FAM187A: variants seen among roughly 807,000 people sequenced by gnomAD.
FAM187A encodes family with sequence similarity 187 member A.
FAM187A carries 4 observed loss-of-function variants against 6.4 expected under a neutral mutation model. The ratio of observed to expected loss-of-function variants is 0.63; its 90% confidence interval spans 0.31 to 1.44. FAM187A has a LOEUF of 1.44. Ranked by LOEUF, FAM187A falls within the 40% of genes most tolerant of loss-of-function variation. FAM187A has a pLI of 0.07. For missense variants in FAM187A, 463 were observed against 542.2 expected (o/e 0.85, Z 1.45); for synonymous variants, 221 against 213.4 (o/e 1.04, Z -0.31).
chr17:44,904,361 T>C (rs1331514125), exon 4 of FAM187A: 1 of 1,544,252 alleles, frequency 6.5e-7, no homozygotes, highest in South Asian at 1.2e-5. Flanking sequence ...ATGGACCCCC[T>C]GTGACCGCTG....
chr17:44,904,854 T>G (rs1463664251), exon 4 of FAM187A: 3 of 1,550,488 alleles, frequency 1.9e-6, no homozygotes, highest in African/African-American at 2.7e-5. Context: ...GACCGGGGCA[T>G]CTACTATTGC....
exon 4 of FAM187A, chr17:44,904,539 G>A (rs2051620705): frequency 8.4e-6 from 13 of 1,550,532 alleles, no homozygotes; most frequent in Middle Eastern, 1.7e-4. Flanking sequence ...GTGCTGGTTC[G>A]GAGCTGCTTA....
Position 44,905,063 on chromosome 17 carries a change from T to TC in FAM187A, c.1239dup (p.Ter414LeufsTer19), listed in dbSNP as rs769739189. The TC allele has an allele frequency of 1.9e-6, 3 of 1,539,178 alleles. No homozygotes were observed. The highest frequency in any genetic ancestry group is 4.9e-5 in the East Asian group (2 of 40,784). ...CTTATTTCACTGTTGTCCCAGCTTC[T>TC]CCCCCTAGGAGCTCTCTTCAGCTCT... On this transcript the variant is annotated frameshift_variant, in exon 4 of 4. Coordinates refer to ENST00000331733, the Ensembl canonical transcript of FAM187A. LOFTEE classifies it high-confidence loss of function.
rs1268819073 is a variant in FAM187A at position 44,904,054 on chromosome 17, C to T, written c.225C>T (p.His75=). 4 of 1,550,686 alleles carry T rather than the reference C, an allele frequency of 2.6e-6. No homozygotes were observed. The Admixed American group carries it at 7.8e-5, about 30-fold the overall frequency. Residue 75 remains histidine, a synonymous_variant, in exon 4 of 4, where the codon CAC becomes CAT. Transcript: ENST00000331733. Reference sequence around the variant, plus strand: ...ACCAAAAGCACCTAGGTAGCAGCCACACCAAAGTGCTGACGGACTTTGATG... The same window carrying T: ...ACCAAAAGCACCTAGGTAGCAGCCATACCAAAGTGCTGACGGACTTTGATG...
At chr17:44,904,692 C>G (rs1325542133) in exon 4 of FAM187A, 1 of 1,550,602 alleles carries the variant, frequency 6.4e-7, no homozygotes, top group South Asian at 1.2e-5. Context: ...CTCATCATCT[C>G]CTGTCCTGGG....
chr17:44,903,694 G>A (rs1304537019), exon 4 of FAM187A: 2 of 1,438,536 alleles, frequency 1.4e-6, no homozygotes, highest in African/African-American at 2.9e-5. Flanking sequence ...TTCCTCTGCA[G>A]ATTGTTGCTG....
At chr17:44,904,157 T>C (rs1003922916) in exon 4 of FAM187A, 33 of 1,550,240 alleles carry the variant, frequency 2.1e-5, no homozygotes, top group Non-Finnish European at 2.7e-5. Context: ...CATGTTCAGC[T>C]TGTTGGTTTT....
rs1460040567 is a variant in FAM187A, at chr17:44,904,169, A to C, written c.340A>C (p.Arg114=). 3.9e-6 allele frequency: 6 copies of C among 1,550,378 alleles called. No individual in the cohort carries two copies. The East Asian group carries it at 1.2e-4, about 32-fold the overall frequency. Residue 114 remains arginine (R), a synonymous_variant, in exon 4 of 4, where the codon AGG becomes CGG. Coordinates refer to ENST00000331733, the Ensembl canonical transcript of FAM187A. The stretch of plus-strand genomic sequence containing the variant: ...CCGCATGTTCAGCTTGTTGGTTTTC[A>C]GGGCTCAGTCTGAGGACTCAGGCCT...
exon 4 of FAM187A, chr17:44,904,554 C>T: frequency 1.3e-6 from 2 of 1,550,560 alleles, no homozygotes; most frequent in South Asian, 1.2e-5. Context: ...TGCTTAGTAC[C>T]CTGTGAGAAG....
At chr17:44,905,300 CAT>C (rs1367482884) in exon 4 of FAM187A, 1 of 550,154 alleles carries the variant, frequency 1.8e-6, no homozygotes, top group Non-Finnish European at 3.3e-6. Context: ...AAGTAGGGCA[CAT>C]GTGTTTCCTG....
chr17:44,904,879 G>A, exon 4 of FAM187A: 1 of 1,550,656 alleles, frequency 6.4e-7, no homozygotes, highest in Non-Finnish European at 8.7e-7. Context: ...GGCAGGGTGT[G>A]CTAGTTGCTG....
chr17:44,904,186 C>T, exon 4 of FAM187A: 2 of 1,550,542 alleles, frequency 1.3e-6, no homozygotes, highest in Admixed American at 2.0e-5. Flanking sequence ...AGTCTGAGGA[C>T]TCAGGCCTGT....
chr17:44,904,731 A>G (rs1367410231), exon 4 of FAM187A: 3 of 1,550,534 alleles, frequency 1.9e-6, no homozygotes, highest in Admixed American at 2.0e-5. Flanking sequence ...GTGGCCTGGG[A>G]CAAAGACCGC....
exon 4 of FAM187A, chr17:44,904,193 C>A: frequency 6.4e-7 from 1 of 1,550,590 alleles, no homozygotes. Flanking sequence ...GGACTCAGGC[C>A]TGTACTTCTG....
At chr17:44,905,361 G>A (rs12222) in exon 4 of FAM187A, 109,919 of 417,234 alleles carry the variant, frequency 0.26, 15,055 homozygotes, top group Middle Eastern at 0.28. Context: ...GATTTATCCA[G>A]TGGTAAACAC....
exon 4 of FAM187A, chr17:44,904,203 G>C (rs1317001313): frequency 1.3e-6 from 2 of 1,550,440 alleles, no homozygotes; most frequent in African/African-American, 2.7e-5. Flanking sequence ...CTGTACTTCT[G>C]CGGCACCCGC....
chr17:44,904,146 G>C, exon 4 of FAM187A: 1 of 1,550,332 alleles, frequency 6.5e-7, no homozygotes, highest in Non-Finnish European at 8.7e-7. Flanking sequence ...TTCAGCATCC[G>C]CATGTTCAGC....
exon 4 of FAM187A, chr17:44,904,141 C>T: frequency 1.3e-6 from 2 of 1,550,458 alleles, no homozygotes. Flanking sequence ...CCCGCTTCAG[C>T]ATCCGCATGT....
chr17:44,904,638 C>T (rs1371474014), exon 4 of FAM187A: 2 of 1,550,530 alleles, frequency 1.3e-6, no homozygotes, highest in Admixed American at 2.0e-5. Context: ...CCCTGGGTGC[C>T]CCAGGTGCCC....
Sources: gnomAD v4.1 joint callset for allele counts on GRCh38, gnomAD v4.1.1 for gene constraint, MANE v1.5 for transcripts, NCBI Gene and HGNC (gene_info 2026-07-23, HGNC 2026-07-21) for gene names.